FOXP1: variants seen among roughly 807,000 people sequenced by gnomAD.
FOXP1 encodes forkhead box P1.
A neutral mutation model predicts 98.2 loss-of-function variants in FOXP1; 15 were observed. The observed-to-expected ratio is 0.15, with a 90% CI of 0.10 to 0.24. FOXP1 has a LOEUF of 0.24. Ranked by LOEUF, FOXP1 falls within the 10% of genes least tolerant of loss-of-function variation. The probability of loss-of-function intolerance (pLI) is 1.00; values close to 1 mark genes in which losing one functional copy is unlikely to be tolerated. For missense variants in FOXP1, 633 were observed against 848.5 expected (o/e 0.75, Z 3.15); for synonymous variants, 371 against 314.5 (o/e 1.18, Z -1.90).
At chr3:71,210,300 C>A (rs2064353937) in intron 5 of FOXP1, among the ~76,000 whole-genome samples, 1 of 152,184 alleles carries the variant, frequency 6.6e-6, no homozygotes, top group Non-Finnish European at 1.5e-5. Context: ...CACAAAGTAA[C>A]TAGTGTGTTG....
At chr3:71,052,715 A>G (rs2050079329) in intron 8 of FOXP1, 89 bp from the exon 9 acceptor site, 2 of 800,924 alleles carry the variant, frequency 2.5e-6, no homozygotes, top group Non-Finnish European at 2.3e-6. Context: ...TGATTTGAAA[A>G]ATAGCATCCT....
At chr3:71,582,094 G>A in intron 1 of FOXP1, 1 of 982,166 alleles carries the variant, frequency 1.0e-6, no homozygotes, top group African/African-American at 1.8e-5. Context: ...GCTGCAGGCA[G>A]CGATTTCGAA....
intron 5 of FOXP1, among the ~76,000 whole-genome samples, chr3:71,294,315 A>G (rs2107521414): frequency 6.6e-6 from 1 of 152,348 alleles, no homozygotes; most frequent in Middle Eastern, 3.4e-3. Flanking sequence ...GCCTGATAAC[A>G]TTCACAACAG....
chr3:71,413,263 C>CACACACAT (rs2082928985), intron 3 of FOXP1, among the ~76,000 whole-genome samples: 2 of 105,028 alleles, frequency 1.9e-5, no homozygotes, highest in African/African-American at 9.1e-5. Context: ...CAAATAGACA[C>CACACACAT]ACACACACAC....
At chr3:71,219,166 C>T (rs1187499342) in intron 5 of FOXP1, among the ~76,000 whole-genome samples, 2 of 152,190 alleles carry the variant, frequency 1.3e-5, no homozygotes, top group African/African-American at 2.4e-5. Flanking sequence ...ATACCCTTGC[C>T]TGGGAGCATG....
chr3:70,970,587 C>T (rs2036001562), intron 19 of FOXP1, 149 bp downstream of exon 19: 1 of 753,932 alleles, frequency 1.3e-6, no homozygotes, highest in Non-Finnish European at 2.4e-6. Flanking sequence ...ATGTGTTTGC[C>T]TCCAGGGAGT....
chr3:71,511,411 T>C (rs1363747622), intron 2 of FOXP1, among the ~76,000 whole-genome samples: 4 of 152,084 alleles, frequency 2.6e-5, no homozygotes, highest in East Asian at 1.9e-4. Context: ...ATTTCCTCCA[T>C]TGGGGCATTC....
At chr3:71,512,821 C>T (rs996791832) in intron 2 of FOXP1, among the ~76,000 whole-genome samples, 2 of 152,160 alleles carry the variant, frequency 1.3e-5, no homozygotes, top group Non-Finnish European at 2.9e-5. Context: ...CCATCTCCAC[C>T]CCTGTGTTTA....
chr3:71,318,307 G>C (rs1214665211), intron 4 of FOXP1, among the ~76,000 whole-genome samples: 1 of 152,130 alleles, frequency 6.6e-6, no homozygotes, highest in Non-Finnish European at 1.5e-5. Context: ...TGTACCTCCA[G>C]TGACAGGCAT....
intron 3 of FOXP1, among the ~76,000 whole-genome samples, chr3:71,454,679 T>C (rs1322703572): frequency 6.6e-6 from 1 of 152,044 alleles, no homozygotes; most frequent in African/African-American, 2.4e-5. Context: ...CTAGAAGAAC[T>C]ATGATGCAGC....
At chr3:71,106,054 C>T (rs569798583) in intron 7 of FOXP1, among the ~76,000 whole-genome samples, 20 of 152,300 alleles carry the variant, frequency 1.3e-4, no homozygotes, top group African/African-American at 4.3e-4. Flanking sequence ...AACCTGGCTT[C>T]CCATCCTGGT....
chr3:71,534,718 G>A (rs1438583061), intron 2 of FOXP1, among the ~76,000 whole-genome samples: 1 of 152,184 alleles, frequency 6.6e-6, no homozygotes, highest in Admixed American at 6.5e-5. Context: ...TAGTCCACAG[G>A]TGACTCTATG....
intron 3 of FOXP1, among the ~76,000 whole-genome samples, chr3:71,414,495 C>T (rs902095467): frequency 5.9e-4 from 90 of 152,342 alleles, no homozygotes; most frequent in African/African-American, 1.9e-3. Context: ...TTGCCGCCCA[C>T]CAATATACTT....
intron 2 of FOXP1, among the ~76,000 whole-genome samples, chr3:71,540,442 A>G (rs2044706093): frequency 6.6e-6 from 1 of 152,264 alleles, no homozygotes; most frequent in South Asian, 2.1e-4. Flanking sequence ...AAAAATGTTG[A>G]AACTCAAGGC....
rs2085476259 is a variant in FOXP1, at chr3:71,437,471, G to C, written c.-168+55955C>G. On this transcript the variant is annotated intron_variant, in intron 3 of 20. Coordinates refer to ENST00000649528, the MANE Select transcript of FOXP1 (RefSeq NM_001349338.3). ...ATCATGAATACATACAGAGTTTGGAGGTACAAGAAGCCAACAGCCATTCTC... is the reference window on the plus strand; with the variant it reads ...ATCATGAATACATACAGAGTTTGGACGTACAAGAAGCCAACAGCCATTCTC... Among the ~76,000 whole-genome samples the C allele has an allele frequency of 2.6e-5, 4 of 152,126 alleles. No homozygotes were observed. In the South Asian group the frequency reaches 8.3e-4, roughly 32 times the overall value.
At position 71,058,025 on chromosome 3, in the gene FOXP1, C is replaced by T. The variant is rs914762553; in HGVS notation, c.283-4252G>A. 2.6e-5 allele frequency among the ~76,000 whole-genome samples: 4 copies of T among 152,096 alleles called. No homozygotes were observed. The East Asian group carries it at 7.7e-4, about 29-fold the overall frequency. Reference sequence around the variant, plus strand: ...CTGAAAGACTATTAAAATAATATGCCATATTATTTCCTTTAACGCCCAATG... The same window carrying T: ...CTGAAAGACTATTAAAATAATATGCTATATTATTTCCTTTAACGCCCAATG... On this transcript the variant is annotated intron_variant, in intron 7 of 20. Coordinates refer to ENST00000649528, the MANE Select transcript of FOXP1 (RefSeq NM_001349338.3).
intron 18 of FOXP1, chr3:70,972,257 T>C: frequency 7.9e-7 from 1 of 1,265,542 alleles, no homozygotes; most frequent in Non-Finnish European, 1.1e-6. Flanking sequence ...AGACATCCAA[T>C]ACAGGGAACA....
intron 2 of FOXP1, among the ~76,000 whole-genome samples, chr3:71,565,763 C>G (rs1464553320): frequency 1.3e-5 from 2 of 152,144 alleles, no homozygotes; most frequent in African/African-American, 2.4e-5. Flanking sequence ...ACAAAGATCT[C>G]TACGCATAAT....
chr3:71,193,154 TG>T lies in FOXP1; in HGVS notation c.180+5047del, dbSNP rs1294081132. On this transcript the variant is annotated intron_variant, in intron 6 of 20. Transcript: ENST00000649528. ...TGTTGTTGTTGTTGTTGTTTATTTG[TG>T]TTTTTTTTTTGAGACGGAGTCTTGC... is the stretch of plus-strand genomic sequence containing the variant. 4.0e-3 allele frequency among the ~76,000 whole-genome samples: 593 copies of T among 150,040 alleles called. 8 individuals carry two copies. Among genetic ancestry groups the T allele is most frequent in the African/African-American group, 0.014 (558 of 40,030 alleles).
Sources: gnomAD v4.1 joint callset for allele counts (sites outside exome capture counted in the v4.1 genomes callset) on GRCh38, gnomAD v4.1.1 for gene constraint, MANE v1.5 for transcripts, NCBI Gene and HGNC (gene_info 2026-07-23, HGNC 2026-07-21) for gene names.